EFNA5: variants seen among roughly 807,000 people sequenced by gnomAD.
The protein encoded by EFNA5 is ephrin-A5.
EFNA5 carries 5 observed loss-of-function variants against 22.9 expected under a neutral mutation model. That is an observed-to-expected ratio of 0.22 (90% CI 0.11 to 0.46). The LOEUF is 0.46. EFNA5 is among the 20% of genes least tolerant of loss of function. The pLI is 0.99. For synonymous variants in EFNA5, 113 were observed against 112.2 expected (o/e 1.01, Z -0.04); for missense variants, 237 against 293.3 (o/e 0.81, Z 1.40).
At chr5:107,527,906 A>G (rs1448889060) in intron 1 of EFNA5, among the ~76,000 whole-genome samples, 2 of 152,184 alleles carry the variant, frequency 1.3e-5, no homozygotes, top group Non-Finnish European at 2.9e-5. Context: ...CCCTCAGTAC[A>G]TGAAAAATGT....
intron 1 of EFNA5, among the ~76,000 whole-genome samples, chr5:107,650,036 A>C (rs1046049950): frequency 2.0e-5 from 3 of 152,138 alleles, no homozygotes; most frequent in Non-Finnish European, 4.4e-5. Flanking sequence ...TCAATCTCTG[A>C]CCTCAAGAAT....
intron 1 of EFNA5, among the ~76,000 whole-genome samples, chr5:107,570,539 T>C (rs145022275): frequency 2.8e-4 from 43 of 152,080 alleles, no homozygotes; most frequent in African/African-American, 1.0e-3. Flanking sequence ...TGAGCAATTA[T>C]AGCAACTTCC....
intron 1 of EFNA5, among the ~76,000 whole-genome samples, chr5:107,499,346 T>C (rs1480088396): frequency 1.3e-5 from 2 of 152,242 alleles, no homozygotes; most frequent in African/African-American, 2.4e-5. Context: ...TTAAAGAGCC[T>C]GCATCTGCAG....
intron 1 of EFNA5, among the ~76,000 whole-genome samples, chr5:107,526,910 G>T (rs1747706765): frequency 6.6e-6 from 1 of 152,162 alleles, no homozygotes; most frequent in Admixed American, 6.6e-5. Flanking sequence ...ATGGCTTAAA[G>T]TGGAAAAAAA....
At chr5:107,401,177 T>C (rs1356821653) in intron 2 of EFNA5, among the ~76,000 whole-genome samples, 6 of 152,362 alleles carry the variant, frequency 3.9e-5, no homozygotes, top group South Asian at 4.1e-4. Context: ...TTAGCCATGA[T>C]AGTAATACCG....
At chr5:107,596,434 T>C (rs1225617900) in intron 1 of EFNA5, among the ~76,000 whole-genome samples, 1 of 152,158 alleles carries the variant, frequency 6.6e-6, no homozygotes. Context: ...GTGTAGCATA[T>C]GACAGGATTT....
intron 1 of EFNA5, among the ~76,000 whole-genome samples, chr5:107,532,216 C>T (rs1013968301): frequency 2.0e-5 from 3 of 152,148 alleles, no homozygotes; most frequent in African/African-American, 7.2e-5. Flanking sequence ...GAGGCAATGG[C>T]GTGTGAACGC....
chr5:107,574,690 G>GA (rs892830219), intron 1 of EFNA5, among the ~76,000 whole-genome samples: 1 of 152,132 alleles, frequency 6.6e-6, no homozygotes, highest in African/African-American at 2.4e-5. Flanking sequence ...TGGAAGGGGG[G>GA]AAAAAGACTA....
intron 2 of EFNA5, among the ~76,000 whole-genome samples, chr5:107,390,996 G>A (rs914387934): frequency 1.3e-5 from 2 of 151,810 alleles, no homozygotes; most frequent in Admixed American, 6.6e-5. Context: ...CTGTCTCTAC[G>A]AAAAATGCAA....
chr5:107,494,295 C>T (rs1233584653), intron 1 of EFNA5, among the ~76,000 whole-genome samples: 3 of 152,192 alleles, frequency 2.0e-5, no homozygotes, highest in Non-Finnish European at 4.4e-5. Flanking sequence ...TGAGGGCCAG[C>T]TGGAGTTCCG....
intron 1 of EFNA5, among the ~76,000 whole-genome samples, chr5:107,617,439 T>C (rs896931255): frequency 6.6e-6 from 1 of 152,156 alleles, no homozygotes; most frequent in African/African-American, 2.4e-5. Context: ...CTGCCTGTTT[T>C]GGGGAAGTTT....
chr5:107,556,743 T>A (rs1212022696), intron 1 of EFNA5, among the ~76,000 whole-genome samples: 1 of 144,926 alleles, frequency 6.9e-6, no homozygotes, highest in African/African-American at 2.6e-5. Flanking sequence ...CAAAATTCCA[T>A]CTCAAAATAA....
chr5:107,390,159 AAAAC>A (rs1327162859), intron 2 of EFNA5, among the ~76,000 whole-genome samples: 4 of 152,322 alleles, frequency 2.6e-5, no homozygotes, highest in South Asian at 2.1e-4. Context: ...AACACCTTGA[AAAAC>A]AAACAAACAA....
chr5:107,450,069 T>C (rs138704211), intron 1 of EFNA5, among the ~76,000 whole-genome samples: 45 of 152,160 alleles, frequency 3.0e-4, no homozygotes, highest in Non-Finnish European at 6.2e-4. Flanking sequence ...AAACGATGGG[T>C]TATTTTTGCC....
intron 1 of EFNA5, among the ~76,000 whole-genome samples, chr5:107,564,629 T>C (rs901218687): frequency 2.6e-5 from 3 of 115,394 alleles, no homozygotes; most frequent in Admixed American, 8.1e-5. Flanking sequence ...GTTTGGGTTT[T>C]TGTTTTTTTT....
At position 107,381,351 on chromosome 5, in the gene EFNA5, C is replaced by T. The variant is rs1487466084; in HGVS notation, c.591G>A (p.Glu197=). ...PADDTVHESA[E]PSRGENAAQT... ...GTGCCGCGTTCTCGCCGCGGGATGGCTCGGCTGACTCATGTACGGTGTCAT... is the reference window on the plus strand; with the variant it reads ...GTGCCGCGTTCTCGCCGCGGGATGGTTCGGCTGACTCATGTACGGTGTCAT... Residue 197 remains glutamate (E), a synonymous_variant, in exon 5 of 5, where the codon GAG becomes GAA. Coordinates refer to ENST00000333274, the MANE Select transcript of EFNA5 (RefSeq NM_001962.3). 3 of 1,613,766 alleles carry T rather than the reference C, an allele frequency of 1.9e-6. No individual in the cohort carries two copies. Among genetic ancestry groups the T allele is most frequent in the Non-Finnish European group, 2.5e-6 (3 of 1,179,854 alleles).
At chr5:107,402,558 C>G (rs1423149014) in intron 2 of EFNA5, among the ~76,000 whole-genome samples, 1 of 152,194 alleles carries the variant, frequency 6.6e-6, no homozygotes, top group Non-Finnish European at 1.5e-5. Flanking sequence ...CACAAGAAAT[C>G]TACAGCCATC....
chr5:107,487,338 A>T (rs1746658934), intron 1 of EFNA5, among the ~76,000 whole-genome samples: 1 of 152,182 alleles, frequency 6.6e-6, no homozygotes. Flanking sequence ...CTGTTACAAA[A>T]CACTGTTCCT....
At chr5:107,425,069 G>A (rs1748774570) in intron 2 of EFNA5, among the ~76,000 whole-genome samples, 1 of 152,088 alleles carries the variant, frequency 6.6e-6, no homozygotes, top group Non-Finnish European at 1.5e-5. Context: ...GAAGCATTTT[G>A]GAACAATTAC....
Sources: gnomAD v4.1 joint callset for allele counts (sites outside exome capture counted in the v4.1 genomes callset) on GRCh38, gnomAD v4.1.1 for gene constraint, MANE v1.5 for transcripts, NCBI Gene and HGNC (gene_info 2026-07-23, HGNC 2026-07-21) for gene names.